Variants in MYO15A observed in about 807,000 individuals in gnomAD.
MYO15A encodes the protein myosin XVA.
In MYO15A, 308 loss-of-function variants were observed where a neutral mutation model predicts 394.6. That is an observed-to-expected ratio of 0.78 (90% CI 0.71 to 0.86). The LOEUF is 0.86. Among genes scored for constraint, MYO15A ranks in the 40% least tolerant of loss-of-function variants. The pLI, the probability that MYO15A is intolerant of heterozygous loss-of-function variation, is 0.00. For synonymous variants in MYO15A, 1,957 were observed against 2,003.8 expected, an observed-to-expected ratio of 0.98 and a Z score of 0.62; for missense variants, 4,606 against 4,799.1, an observed-to-expected ratio of 0.96 and a Z score of 1.19.
At position 18,120,458 on chromosome 17, in the gene MYO15A, G is replaced by A. The variant is rs768979777; in HGVS notation, c.1658G>A (p.Arg553Gln). ...GCGCTGTCGGCCTTCGGCGCCCACC[G>A]GGGCCTGGGCTTCGGCCCTGAGTTT... is the stretch of plus-strand genomic sequence containing the variant. ...QRALSAFGAH[R>Q]GLGFGPEFGR... The change falls in exon 2 of 66, where the codon CGG becomes CAG. Residue 553 changes from arginine (R) to glutamine (Q), a missense_variant. By Grantham distance (43) the Arg-to-Gln change is conservative. Around this residue, in one of 2 missense-constraint regions of MYO15A, gnomAD observed 1,830 missense variants for 1,689.7 expected, o/e 1.08. Coordinates refer to ENST00000647165, the MANE Select transcript of MYO15A (RefSeq NM_016239.4). The A allele has an allele frequency of 1.4e-5, 22 of 1,576,264 alleles. No individual in the cohort carries two copies. The South Asian group carries it at 2.0e-4, about 15-fold the overall frequency.
intron 62 of MYO15A, among the ~76,000 whole-genome samples, chr17:18,168,731 C>CT (rs956122199): frequency 6.6e-6 from 1 of 152,038 alleles, no homozygotes; most frequent in African/African-American, 2.4e-5. Flanking sequence ...CTGACGTTCT[C>CT]TAAGTTATAA....
At position 18,138,126 on chromosome 17, in the gene MYO15A, C is replaced by G. The variant is rs1263816599; in HGVS notation, c.4887C>G (p.Ile1629Met). Residue 1629 changes from isoleucine (I) to methionine (M), a missense_variant, in exon 17 of 66, where the codon ATC (isoleucine) becomes ATG (methionine). Coordinates refer to ENST00000647165, the MANE Select transcript of MYO15A (RefSeq NM_016239.4). ...CCCACTGCCTGCAGGAGGAGTACAT[C>G]CGTGAGCAGATAGACTGGCAGGAGA... ...IVFQEEQEEYIREQIDWQEIT... is the reference protein window; with the variant it reads ...IVFQEEQEEYMREQIDWQEIT... 1 of 1,612,054 alleles carries G rather than the reference C, an allele frequency of 6.2e-7. No homozygotes were observed. Among genetic ancestry groups the G allele is most frequent in the Admixed American group, 1.7e-5 (1 of 60,030 alleles).
chr17:18,119,703 G>A lies in MYO15A; in HGVS notation c.903G>A (p.Pro301=), dbSNP rs747530715. 3 of 1,610,632 alleles carry A rather than the reference G, an allele frequency of 1.9e-6. No individual in the cohort carries two copies. Among genetic ancestry groups the A allele is most frequent in the South Asian group, 1.1e-5 (1 of 91,066 alleles). The part of the protein sequence containing the change: ...HPDYYGGPFD[P]GYTYGYGYDD... ...ACTATTACGGTGGCCCCTTTGATCCGGGGTACACCTACGGCTACGGCTACG... is the reference window on the plus strand; with the variant it reads ...ACTATTACGGTGGCCCCTTTGATCCAGGGTACACCTACGGCTACGGCTACG... The change falls in exon 2 of 66, where the codon CCG becomes CCA. Residue 301 remains proline, a synonymous_variant. Coordinates refer to ENST00000647165, the MANE Select transcript of MYO15A (RefSeq NM_016239.4).
chr17:18,161,574 T>C (rs2046778378), intron 57 of MYO15A, 127 bp downstream of exon 57: 10 of 1,374,942 alleles, frequency 7.3e-6, no homozygotes, highest in African/African-American at 1.4e-5. Context: ...TTTACCAATA[T>C]TAATATACTC....
chr17:18,158,252 C>A (rs11650855), intron 51 of MYO15A: 72 of 587,876 alleles, frequency 1.2e-4, no homozygotes, highest in Non-Finnish European at 1.9e-4. Flanking sequence ...TAGCGAGGGG[C>A]GGGGTCAGCT....
chr17:18,138,280 TCA>T, intron 17 of MYO15A, 34 bp downstream of exon 17: 1 of 1,606,634 alleles, frequency 6.2e-7, no homozygotes. Flanking sequence ...CCTAGTCAGG[TCA>T]CAGATCTCTC....
chr17:18,139,426 TG>T, intron 18 of MYO15A, 107 bp from the exon 19 acceptor site: 1 of 1,278,796 alleles, frequency 7.8e-7, no homozygotes, highest in Non-Finnish European at 1.1e-6. Context: ...GGGAGAATGG[TG>T]GGGGCTGGAG....
chr17:18,159,605 G>A lies in MYO15A; in HGVS notation c.9230-1G>A, dbSNP rs1178075388. On this transcript the variant is annotated splice_acceptor_variant, in intron 54 of 65. Transcript: ENST00000647165. LOFTEE classifies it high-confidence loss of function. ...CTGAGTGGGATAGGTCTTTCCTACA[G>A]CTGTAATGAGGTTCATGGGGGATGC... is the stretch of plus-strand genomic sequence containing the variant. 1.9e-6 allele frequency: 3 copies of A among 1,613,940 alleles called. No individual in the cohort carries two copies. Among genetic ancestry groups the A allele is most frequent in the African/African-American group, 2.7e-5 (2 of 74,918 alleles).
In MYO15A at chr17:18,119,590, C is replaced by T. The variant is rs1131691688; in HGVS notation, c.790C>T (p.Leu264Phe). 1.2e-6 allele frequency: 2 copies of T among 1,604,714 alleles called. No homozygotes were observed. Among genetic ancestry groups the T allele is most frequent in the South Asian group, 2.2e-5 (2 of 91,084 alleles). ...YEEQEPYLAG[L>F]GPYSPAWPPY... ...GGAGCAGGAACCCTACCTGGCGGGC[C>T]TCGGCCCCTACAGCCCGGCCTGGCC... is the stretch of plus-strand genomic sequence containing the variant. The change falls in exon 2 of 66, where the codon CTC (leucine) becomes TTC (phenylalanine). Residue 264 changes from leucine to phenylalanine, a missense_variant. By Grantham distance (22) the Leu-to-Phe change is conservative (BLOSUM62 0). This residue lies in a region of MYO15A where 1,830 missense variants were observed against 1,689.7 expected (regional missense o/e 1.08). Transcript: ENST00000647165.
At chr17:18,149,416 C>G in intron 34 of MYO15A, 40 bp downstream of exon 34, 1 of 1,612,168 alleles carries the variant, frequency 6.2e-7, no homozygotes, top group Non-Finnish European at 8.5e-7. Flanking sequence ...GGGGAGGGAG[C>G]CTTAGAGGCT....
At chr17:18,122,521 G>A (rs562242990) in intron 2 of MYO15A, 112 bp downstream of exon 2, 3 of 1,451,356 alleles carry the variant, frequency 2.1e-6, no homozygotes, top group Middle Eastern at 2.6e-4. Flanking sequence ...GCTTGCTGGG[G>A]CCTCAGTCTC....
At position 18,119,092 on chromosome 17, in the gene MYO15A, G is replaced by C. The variant is rs200827453; in HGVS notation, c.292G>C (p.Ala98Pro). The change falls in exon 2 of 66, where the codon GCG becomes CCG. Residue 98 changes from alanine to proline, a missense_variant. By Grantham distance (27) the Ala-to-Pro change is conservative. Coordinates refer to ENST00000647165, the MANE Select transcript of MYO15A (RefSeq NM_016239.4). ...GATGCGCATGGGCAAGAAGAAGCGG[G>C]CGATGAAGGGCAAGAAGCCGTCCTT... ...TQMRMGKKKR[A>P]MKGKKPSFMV... is the part of the protein sequence containing the mutation. 6.2e-7 allele frequency: 1 copy of C among 1,611,954 alleles called. No homozygotes were observed.
In MYO15A at chr17:18,124,390, A is replaced by G. The variant is rs565147238; in HGVS notation, c.3610-93A>G. The G allele has an allele frequency of 2.2e-6, 3 of 1,351,408 alleles. No homozygotes were observed. In the African/African-American group the frequency reaches 4.3e-5, roughly 19 times the overall value. The allele number at this position is 1,351,408 out of a possible 1,614,324, so 83.7% of individuals were successfully genotyped here. A position where few individuals can be genotyped will look rare whatever the true frequency, so the allele number is the denominator to read the frequency against. ...TGGCCTTGGGGTTCCCTCCCCAACA[A>G]TGGTAGCAGGCCCCAGGTATGACCA... On this transcript the variant is annotated intron_variant, in intron 2 of 65. Coordinates refer to ENST00000647165, the MANE Select transcript of MYO15A (RefSeq NM_016239.4).
rs945513403 is a variant in MYO15A at position 18,131,173 on chromosome 17, C to T, written c.4039-66C>T. The T allele has an allele frequency of 1.3e-5, 19 of 1,417,560 alleles. No individual in the cohort carries two copies. The African/African-American group carries it at 2.0e-4, about 15-fold the overall frequency. 87.8% of individuals were successfully genotyped at this position (1,417,560 alleles called of 1,614,324 possible). On this transcript the variant is annotated intron_variant, in intron 8 of 65. Transcript: ENST00000647165. The stretch of plus-strand genomic sequence containing the variant: ...TCATGTCTGGGTGTCCCCAGCTATG[C>T]CCCCCACCCAGGCCCCCAGAACAGT...
rs1567617393 is a variant in MYO15A at position 18,118,763 on chromosome 17, A to G, written c.-38A>G. On this transcript the variant is annotated 5_prime_UTR_variant, in exon 2 of 66. Coordinates refer to ENST00000647165, the MANE Select transcript of MYO15A (RefSeq NM_016239.4). ...GTGTCTCCAAGTCCCTGAGCCCGTG[A>G]CACCGGCCCCAGGCCCTGTAGAGAG... 3.7e-6 allele frequency: 6 copies of G among 1,607,702 alleles called. No individual in the cohort carries two copies. In the South Asian group the frequency reaches 6.7e-5, roughly 18 times the overall value.
intron 65 of MYO15A, 63 bp downstream of exon 65, chr17:18,173,984 A>G (rs2046979729): frequency 1.9e-6 from 3 of 1,573,488 alleles, no homozygotes; most frequent in Admixed American, 3.7e-5. Flanking sequence ...TGGCTCCAAG[A>G]TAGGTCAGGT....
Position 18,143,705 on chromosome 17 carries a change from G to A in MYO15A, c.5965-10G>A. The A allele has an allele frequency of 6.3e-7, 1 of 1,590,156 alleles. No homozygotes were observed. On this transcript the variant is annotated splice_polypyrimidine_tract_variant and intron_variant, in intron 26 of 65. Transcript: ENST00000647165. The stretch of plus-strand genomic sequence containing the variant: ...CAGGCCTGTCCCTGTCCCATGCACT[G>A]TCCCTCTAGGAGCTGAGCAAGCGGG...
At chr17:18,138,635 G>A (rs1183806119) in intron 17 of MYO15A, among the ~76,000 whole-genome samples, 176 bp from the exon 18 acceptor site, 1 of 152,218 alleles carries the variant, frequency 6.6e-6, no homozygotes, top group Non-Finnish European at 1.5e-5. Flanking sequence ...CAGGCCTCCA[G>A]TGCCTAGCTA....
rs200583193 is a variant in MYO15A at position 18,157,744 on chromosome 17, C to T, written c.8811C>T (p.His2937=). 3,716 of 1,606,396 alleles carry T rather than the reference C, an allele frequency of 2.3e-3. 9 individuals carry two copies. The highest frequency in any genetic ancestry group is 2.8e-3 in the Non-Finnish European group (3,261 of 1,179,868). The stretch of plus-strand genomic sequence containing the variant: ...TAGGCTGGAGGTTCGGGACCATCCA[C>T]GGGCGCGTGGGCCGCTTCCCTTCGG... The part of the protein sequence containing the change: ...PDFGWRFGTI[H]GRVGRFPSEL... The change falls in exon 51 of 66, where the codon CAC becomes CAT. Residue 2937 remains histidine (H), a synonymous_variant. Transcript: ENST00000647165.
Sources: allele counts gnomAD v4.1 joint callset (sites outside exome capture counted in the v4.1 genomes callset), GRCh38; gene constraint gnomAD v4.1.1; regional missense constraint gnomAD v4.1.1; transcripts MANE v1.5; gene names NCBI Gene and HGNC (gene_info 2026-07-23, HGNC 2026-07-21).